Variants in EPM2A observed in about 807,000 individuals in gnomAD.
EPM2A encodes the protein EPM2A glucan phosphatase, laforin, also known as laforin.
A neutral mutation model predicts 26.5 loss-of-function variants in EPM2A; 21 were observed. That is an observed-to-expected ratio of 0.79 (90% confidence interval 0.56 to 1.14). The LOEUF is 1.14. EPM2A is among the 50% of genes most tolerant of loss of function. The probability of loss-of-function intolerance (pLI) is 0.00; values close to 1 mark genes in which losing one functional copy is unlikely to be tolerated. For synonymous variants in EPM2A, 217 were observed against 177.6 expected (o/e 1.22, Z -1.76); for missense variants, 458 against 440.8 (o/e 1.04, Z -0.35).
At chr6:145,389,037 G>T (rs1778301988) in intron 4 of EPM2A, among the ~76,000 whole-genome samples, 1 of 152,044 alleles carries the variant, frequency 6.6e-6, no homozygotes. Context: ...TAATGAGATT[G>T]CTGGGTCAAA....
intron 2 of EPM2A, among the ~76,000 whole-genome samples, chr6:145,562,865 T>C (rs1780827461): frequency 6.6e-6 from 1 of 151,402 alleles, no homozygotes; most frequent in Non-Finnish European, 1.5e-5. Context: ...GACAGGAAAA[T>C]GTGAGCAAAG....
At chr6:145,685,291 T>C (rs1262448581) in intron 2 of EPM2A, among the ~76,000 whole-genome samples, 1 of 152,168 alleles carries the variant, frequency 6.6e-6, no homozygotes, top group Non-Finnish European at 1.5e-5. Context: ...TCTCTACTCT[T>C]ACAATGTAGG....
At position 145,490,072 on chromosome 6, in the gene EPM2A, C is replaced by A. The variant is rs28528083; in HGVS notation, c.555+12450G>T. On this transcript the variant is annotated intron_variant, in intron 4 of 4. Coordinates refer to the EPM2A transcript ENST00000638717. ...GTGCTGAATCCACCTGGACCTGAAG[C>A]AATGGTAGCACACGCACCTTCCCAA... The A allele has an allele frequency of 1.6e-3, 2,010 of 1,295,662 alleles. 28 individuals are homozygous for A. In the African/African-American group the frequency reaches 0.027, roughly 17 times the overall value. 80.3% of individuals were successfully genotyped at this position (1,295,662 alleles called of 1,614,324 possible). A position where few individuals can be genotyped will look rare whatever the true frequency, so the allele number is the denominator to read the frequency against.
intron 2 of EPM2A, among the ~76,000 whole-genome samples, chr6:145,592,141 C>T (rs1300194035): frequency 6.9e-6 from 1 of 145,792 alleles, no homozygotes; most frequent in Non-Finnish European, 1.5e-5. Flanking sequence ...GGTATATCTC[C>T]TAATGCTATC....
intron 4 of EPM2A, among the ~76,000 whole-genome samples, chr6:145,471,041 A>C (rs542949621): frequency 6.6e-6 from 1 of 152,288 alleles, no homozygotes; most frequent in Admixed American, 6.5e-5. Flanking sequence ...AGCTGATAAA[A>C]GTTCATTTTG....
intron 4 of EPM2A, among the ~76,000 whole-genome samples, chr6:145,469,773 T>A (rs189931131): frequency 3.9e-5 from 6 of 152,274 alleles, no homozygotes; most frequent in Admixed American, 3.9e-4. Flanking sequence ...GCAACCTAAG[T>A]GTCCATCAAC....
intron 2 of EPM2A, chr6:145,640,588 A>C (rs1777017521): frequency 6.6e-6 from 1 of 152,234 alleles, no homozygotes; most frequent in Non-Finnish European, 1.5e-5. Context: ...AAGAAAAAAA[A>C]GCACATTTCC....
At chr6:145,678,976 A>C (rs1441003357) in intron 2 of EPM2A, among the ~76,000 whole-genome samples, 1 of 152,234 alleles carries the variant, frequency 6.6e-6, no homozygotes, top group Admixed American at 6.5e-5. Flanking sequence ...CATTATTCAC[A>C]GTAGCAAAGA....
intron 4 of EPM2A, among the ~76,000 whole-genome samples, chr6:145,493,130 C>G (rs1447692268): frequency 6.6e-6 from 1 of 152,188 alleles, no homozygotes; most frequent in Non-Finnish European, 1.5e-5. Context: ...TCCCTCTTCT[C>G]AGGACTTGCT....
chr6:145,648,091 T>C (rs1343916211), intron 2 of EPM2A, among the ~76,000 whole-genome samples: 1 of 152,214 alleles, frequency 6.6e-6, no homozygotes, highest in African/African-American at 2.4e-5. Flanking sequence ...TTCTCATAGA[T>C]GGTCTATTTC....
chr6:145,446,649 T>TC (rs1562338044), intron 4 of EPM2A, among the ~76,000 whole-genome samples: 1 of 151,902 alleles, frequency 6.6e-6, no homozygotes, highest in African/African-American at 2.4e-5. Flanking sequence ...GATTACTTTT[T>TC]TCTCTCTCTC....
In EPM2A at chr6:145,717,970, G is replaced by A. The variant is rs1775730971; in HGVS notation, c.301+17228C>T. Reference sequence around the variant, plus strand: ...ACCACTGCTCAAGGAAATAAAAGAAGATACAAACAAATGGAAGAACATTCC... The same window carrying A: ...ACCACTGCTCAAGGAAATAAAAGAAAATACAAACAAATGGAAGAACATTCC... On this transcript the variant is annotated intron_variant, in intron 1 of 3. Coordinates refer to ENST00000367519, the MANE Select transcript of EPM2A (RefSeq NM_005670.4). Among the ~76,000 whole-genome samples, 3 of 151,590 alleles carry A rather than the reference G, an allele frequency of 2.0e-5. No homozygotes were observed. In the South Asian group the frequency reaches 6.2e-4, roughly 32 times the overall value.
At chr6:145,490,091 T>C (rs906787321) in intron 4 of EPM2A, 36 of 1,277,956 alleles carry the variant, frequency 2.8e-5, no homozygotes, top group Admixed American at 2.2e-4. Flanking sequence ...CACACGCACC[T>C]TCCCAATTTG....
chr6:145,439,760 T>A (rs911342599), intron 4 of EPM2A, among the ~76,000 whole-genome samples: 13 of 152,238 alleles, frequency 8.5e-5, no homozygotes, highest in African/African-American at 3.1e-4. Context: ...TTCCTCATTC[T>A]GTAGGTTGCC....
intron 4 of EPM2A, among the ~76,000 whole-genome samples, chr6:145,392,734 AG>A (rs1371515734): frequency 5.3e-5 from 8 of 151,440 alleles, no homozygotes; most frequent in Non-Finnish European, 8.9e-5. Context: ...TATATCAACC[AG>A]GCCTTCTCAG....
intron 2 of EPM2A, among the ~76,000 whole-genome samples, chr6:145,650,799 T>G (rs1228873666): frequency 6.6e-6 from 1 of 152,192 alleles, no homozygotes; most frequent in African/African-American, 2.4e-5. Context: ...TATTCAGTTC[T>G]AAAACATCAC....
chr6:145,619,613 G>C (rs1213020443), intron 2 of EPM2A, among the ~76,000 whole-genome samples: 1 of 152,178 alleles, frequency 6.6e-6, no homozygotes, highest in Non-Finnish European at 1.5e-5. Flanking sequence ...ATCTAGGATA[G>C]TTAAGAAAGC....
At chr6:145,442,952 C>T (rs1206278379) in intron 4 of EPM2A, among the ~76,000 whole-genome samples, 2 of 152,016 alleles carry the variant, frequency 1.3e-5, no homozygotes, top group Non-Finnish European at 2.9e-5. Flanking sequence ...GCTGCGCCTC[C>T]TGGGTTTATG....
intron 4 of EPM2A, among the ~76,000 whole-genome samples, chr6:145,459,848 T>C (rs1779306499): frequency 6.6e-6 from 1 of 152,160 alleles, no homozygotes; most frequent in South Asian, 2.1e-4. Flanking sequence ...TAATCTACTT[T>C]AGGAAGTGGT....
Sources: allele counts gnomAD v4.1 joint callset (sites outside exome capture counted in the v4.1 genomes callset), GRCh38; gene constraint gnomAD v4.1.1; transcripts MANE v1.5; gene names NCBI Gene and HGNC (gene_info 2026-07-23, HGNC 2026-07-21).